CCNL2: variants seen among roughly 807,000 people sequenced by gnomAD.
The protein encoded by CCNL2 is cyclin L2.
CCNL2 carries 28 observed loss-of-function variants against 59.1 expected under a neutral mutation model. The ratio of observed to expected loss-of-function variants is 0.47; its 90% confidence interval spans 0.35 to 0.65. The LOEUF is 0.65. Ranked by LOEUF, CCNL2 falls within the 30% of genes least tolerant of loss-of-function variation. The pLI is 0.00. For synonymous variants in CCNL2, 342 were observed against 288.6 expected, an observed-to-expected ratio of 1.19 and a Z score of -1.88; for missense variants, 714 against 717.4, an observed-to-expected ratio of 1.00 and a Z score of 0.05.
In CCNL2 at chr1:1,396,543, G is replaced by C. The variant is rs189396765; in HGVS notation, c.474-1029C>G. Among the ~76,000 whole-genome samples, 532 of 148,486 alleles carry C rather than the reference G, an allele frequency of 3.6e-3. 4 individuals are homozygous for C. The highest frequency in any genetic ancestry group is 3.2e-3 in the Non-Finnish European group (213 of 67,564). ...GGCCTCCCAAAGTGCTGGGACTATA[G>C]GCGTGAGCCACTGCGCTCGGCAAGG... On this transcript the variant is annotated intron_variant, in intron 3 of 10. Transcript: ENST00000400809.
chr1:1,392,429 G>C, intron 5 of CCNL2: 1 of 1,151,560 alleles, frequency 8.7e-7, no homozygotes, highest in East Asian at 4.6e-5. Context: ...TAGAAATCAT[G>C]ACATAACCCC....
At position 1,385,885 on chromosome 1, in the gene CCNL2, C is replaced by T. The variant is rs1644438815; in HGVS notation, c.*1346G>A. ...CATAGCTGCTCTCCCTGGAAGGACA[C>T]CCTCCCTGGAGTCTCCTCAGTTCCC... On this transcript the variant is annotated 3_prime_UTR_variant, in exon 11 of 11. Coordinates refer to ENST00000400809, the MANE Select transcript of CCNL2 (RefSeq NM_030937.6). 1 of 149,916 alleles carries T rather than the reference C, an allele frequency of 6.7e-6. No homozygotes were observed. The highest frequency in any genetic ancestry group is 2.2e-4 in the South Asian group (1 of 4,604). The allele number at this position is 149,916 out of a possible 1,614,324, so 9.3% of individuals were successfully genotyped here.
rs573840238 is a variant in CCNL2, at chr1:1,398,942, G to A, written c.288+77C>T. 2,083 of 1,479,282 alleles carry A rather than the reference G, an allele frequency of 1.4e-3. 2 individuals are homozygous for A. Among genetic ancestry groups the A allele is most frequent in the Middle Eastern group, 5.1e-3 (21 of 4,104 alleles). 91.6% of individuals were successfully genotyped at this position (1,479,282 alleles called of 1,614,324 possible). A position where few individuals can be genotyped will look rare whatever the true frequency, so the allele number is the denominator to read the frequency against. ...TCGGGGTCTAGGCGGGGGCGGTGCG[G>A]GCCCGACTCGCCGCCAACAAAGGCG... On this transcript the variant is annotated intron_variant, in intron 1 of 10. Coordinates refer to ENST00000400809, the MANE Select transcript of CCNL2 (RefSeq NM_030937.6).
In CCNL2 at chr1:1,390,844, A is replaced by G. The variant is rs1211005968; in HGVS notation, c.681T>C (p.Leu227=). 1 of 1,614,140 alleles carries G rather than the reference A, an allele frequency of 6.2e-7. No homozygotes were observed. The highest frequency in any genetic ancestry group is 8.5e-7 in the Non-Finnish European group (1 of 1,180,004). The part of the protein sequence containing the change: ...QTSWNYMNDS[L]RTDVFVRFQP... ...GGAACCGCACGAAGACGTCGGTGCG[A>G]AGGCTGTCGTTCATGTAATTCCTGG... The change falls in exon 6 of 11, where the codon CTT becomes CTC. Residue 227 remains leucine, a synonymous_variant. Coordinates refer to ENST00000400809, the MANE Select transcript of CCNL2 (RefSeq NM_030937.6).
At chr1:1,392,185 A>C (rs1644797473) in intron 5 of CCNL2, 1 of 444,092 alleles carries the variant, frequency 2.3e-6, no homozygotes, top group Non-Finnish European at 3.0e-6. Context: ...AGATACATTC[A>C]ACAATCAGTA....
intron 5 of CCNL2, 50 bp downstream of exon 5, chr1:1,393,346 A>G: frequency 6.5e-7 from 1 of 1,532,562 alleles, no homozygotes; most frequent in East Asian, 2.3e-5. Flanking sequence ...AAGTCAACAC[A>G]TTCCTGCACT....
intron 5 of CCNL2, chr1:1,391,397 C>A (rs1644754221): frequency 4.2e-6 from 5 of 1,181,334 alleles, no homozygotes; most frequent in Non-Finnish European, 5.4e-6. Flanking sequence ...GCGGCAGGCC[C>A]CTTCTCTGCT....
At chr1:1,392,966 C>T (rs1414255958) in intron 5 of CCNL2, 2 of 714,214 alleles carry the variant, frequency 2.8e-6, no homozygotes, top group Non-Finnish European at 4.7e-6. Flanking sequence ...CTACATTGCA[C>T]TTTAGGGTTC....
chr1:1,387,684 A>C, intron 10 of CCNL2, 93 bp downstream of exon 10: 1 of 1,429,666 alleles, frequency 7.0e-7, no homozygotes, highest in Non-Finnish European at 9.6e-7. Flanking sequence ...CCAGGTTTAG[A>C]GAAACAAGAA....
Position 1,399,286 on chromosome 1 carries a change from C to T in CCNL2, c.21G>A (p.Ala7=). The T allele has an allele frequency of 6.3e-6, 9 of 1,425,248 alleles. No individual in the cohort carries two copies. The highest frequency in any genetic ancestry group is 3.0e-5 in the South Asian group (2 of 66,770). 88.3% of individuals were successfully genotyped at this position (1,425,248 alleles called of 1,614,324 possible). ...GAGCTGCCGACCCTGCAGCACCAGC[C>T]GCCGCCGCCGCCGCCGCCATTTTGT... MAAAAA[A]AGAAGSAAPA... Residue 7 remains alanine, a synonymous_variant, in exon 1 of 11, where the codon GCG becomes GCA. Transcript: ENST00000400809.
At position 1,393,592 on chromosome 1, in the gene CCNL2, G is replaced by A. The variant is rs140111590; in HGVS notation, c.595-132C>T. ...AGTGGCTCCTGGCCACACGTCTGGC[G>A]GACGGCTCAGCTGGAGGGAGCTTTG... is the stretch of plus-strand genomic sequence containing the variant. On this transcript the variant is annotated intron_variant, in intron 4 of 10. Transcript: ENST00000400809. 1.8e-3 allele frequency: 1,385 copies of A among 755,596 alleles called. 7 individuals carry two copies. Among genetic ancestry groups the A allele is most frequent in the East Asian group, 0.014 (551 of 39,636 alleles). 46.8% of individuals were successfully genotyped at this position (755,596 alleles called of 1,614,324 possible).
At position 1,387,536 on chromosome 1, in the gene CCNL2, G is replaced by A. The variant is rs200891540; in HGVS notation, c.1258C>T (p.Arg420Cys). Residue 420 changes from arginine (R) to cysteine (C), a missense_variant, in exon 11 of 11, where the codon CGC becomes TGC. Coordinates refer to ENST00000400809, the MANE Select transcript of CCNL2 (RefSeq NM_030937.6). ...GGGGAGTCACTCCTGCTCCGGGAGC[G>A]GCTCTGCGACTTGGACCCACCAGAT... ...STSGGSKSQS[R>C]SRSRSDSPPR... The A allele has an allele frequency of 3.7e-5, 57 of 1,541,100 alleles. No individual in the cohort carries two copies. The highest frequency in any genetic ancestry group is 4.8e-5 in the Non-Finnish European group (55 of 1,147,312).
At chr1:1,398,375 T>G (rs752499198) in intron 2 of CCNL2, 33 bp from the exon 3 acceptor site, 45 of 1,613,354 alleles carry the variant, frequency 2.8e-5, no homozygotes, top group Non-Finnish European at 3.7e-5. Flanking sequence ...CGCCCATGTT[T>G]GTCCCCAGCC....
At chr1:1,398,719 C>T (rs761351138) in intron 1 of CCNL2, 48 bp from the exon 2 acceptor site, 12 of 1,553,190 alleles carry the variant, frequency 7.7e-6, no homozygotes, top group South Asian at 6.7e-5. Context: ...CATTCAAAGC[C>T]TTCGCGGCCG....
At chr1:1,395,896 G>A (rs953282056) in intron 3 of CCNL2, among the ~76,000 whole-genome samples, 20 of 152,120 alleles carry the variant, frequency 1.3e-4, no homozygotes, top group African/African-American at 4.8e-4. Flanking sequence ...AAATACAGAT[G>A]GGCCAGGTGC....
At chr1:1,390,720 A>G in intron 6 of CCNL2, 46 bp downstream of exon 6, 1 of 1,555,088 alleles carries the variant, frequency 6.4e-7, no homozygotes, top group Non-Finnish European at 8.9e-7. Flanking sequence ...GAGGCTGGAG[A>G]AAAAAAAATC....
At chr1:1,392,489 AT>A (rs964103625) in intron 5 of CCNL2, 1,575 of 1,238,670 alleles carry the variant, frequency 1.3e-3, no homozygotes, top group East Asian at 4.1e-3. Flanking sequence ...TTTCCATAGC[AT>A]TTTTTTTTAA....
chr1:1,391,585 A>G, intron 5 of CCNL2: 2 of 1,303,510 alleles, frequency 1.5e-6, no homozygotes, highest in Non-Finnish European at 2.0e-6. Context: ...TCTTAAAATG[A>G]ACATTCATAG....
chr1:1,396,574 T>TG (rs1390677779), intron 3 of CCNL2, among the ~76,000 whole-genome samples: 6 of 117,048 alleles, frequency 5.1e-5, no homozygotes, highest in East Asian at 5.1e-4. Flanking sequence ...CAAGGCTGTT[T>TG]TTTTTTTTTT....
Sources: gnomAD v4.1 joint callset for allele counts (sites outside exome capture counted in the v4.1 genomes callset) on GRCh38, gnomAD v4.1.1 for gene constraint, MANE v1.5 for transcripts, NCBI Gene and HGNC (gene_info 2026-07-23, HGNC 2026-07-21) for gene names.